ZMAT4: variants seen among roughly 807,000 people sequenced by gnomAD.
ZMAT4 encodes zinc finger matrin-type protein 4.
Under a neutral mutation model 28.7 loss-of-function variants are expected in ZMAT4, and 17 were observed. That is an observed-to-expected ratio of 0.59 (90% confidence interval 0.41 to 0.89). The LOEUF (loss-of-function observed/expected upper bound fraction) is 0.89, where lower values mean the gene tolerates loss of function less well. ZMAT4 is among the 40% of genes least tolerant of loss of function. The probability of loss-of-function intolerance (pLI) is 0.00; values close to 1 mark genes in which losing one functional copy is unlikely to be tolerated. For missense variants in ZMAT4, 240 were observed against 283.8 expected (o/e 0.85, Z 1.11); for synonymous variants, 117 against 109.2 (o/e 1.07, Z -0.44).
rs1005072641 is a variant in ZMAT4 at position 40,633,766 on chromosome 8, G to A, written c.577+40938C>T. On this transcript the variant is annotated intron_variant, in intron 5 of 6. Transcript: ENST00000297737. ...AGATGATTCTATAGGAATAGCTTTA[G>A]GACAGCTCATCAGGCAAGGATAAAT... is the stretch of plus-strand genomic sequence containing the variant. 2.0e-5 allele frequency among the ~76,000 whole-genome samples: 3 copies of A among 152,156 alleles called. No individual in the cohort carries two copies. In the South Asian group the frequency reaches 6.2e-4, roughly 32 times the overall value.
chr8:40,820,811 G>GTGTGTGTATGTGTATGTTTATGTGTGTA (rs1815764330), intron 2 of ZMAT4, among the ~76,000 whole-genome samples: 2 of 17,654 alleles, frequency 1.1e-4, no homozygotes, highest in Non-Finnish European at 1.8e-4. Flanking sequence ...ATATGTGTGG[G>GTGTGTGTATGTGTATGTTTATGTGTGTA]TGTGTGTATG....
intron 5 of ZMAT4, among the ~76,000 whole-genome samples, chr8:40,626,159 TA>T (rs935581111): frequency 7.2e-6 from 1 of 139,530 alleles, no homozygotes; most frequent in African/African-American, 2.7e-5. Flanking sequence ...GGGGGGTAAA[TA>T]AGAGCATGAG....
At chr8:40,761,663 T>C (rs1410378384) in intron 3 of ZMAT4, among the ~76,000 whole-genome samples, 2 of 152,198 alleles carry the variant, frequency 1.3e-5, no homozygotes, top group Admixed American at 6.5e-5. Context: ...TCTGTGTCCT[T>C]TACAGCATGC....
chr8:40,548,392 T>A, intron 6 of ZMAT4, among the ~76,000 whole-genome samples: 1 of 152,194 alleles, frequency 6.6e-6, no homozygotes, highest in East Asian at 1.9e-4. Context: ...TTTTGAAAGC[T>A]TCTTCACATT....
At chr8:40,564,768 T>C (rs868546759) in intron 6 of ZMAT4, among the ~76,000 whole-genome samples, 7 of 152,318 alleles carry the variant, frequency 4.6e-5, no homozygotes, top group African/African-American at 1.4e-4. Flanking sequence ...ATGTGTTGGC[T>C]TCAACCCTAA....
At chr8:40,779,834 T>G (rs1188514801) in intron 2 of ZMAT4, among the ~76,000 whole-genome samples, 2 of 152,216 alleles carry the variant, frequency 1.3e-5, no homozygotes, top group African/African-American at 4.8e-5. Flanking sequence ...TTCAGCTGGA[T>G]AGCACCTCAG....
At chr8:40,734,473 T>C (rs1463793468) in intron 3 of ZMAT4, among the ~76,000 whole-genome samples, 1 of 152,194 alleles carries the variant, frequency 6.6e-6, no homozygotes, top group Non-Finnish European at 1.5e-5. Flanking sequence ...ATTTAGACGA[T>C]TTCCTTGTGA....
Position 40,771,306 on chromosome 8 carries a change from G to A in ZMAT4, c.103-3576C>T, listed in dbSNP as rs117354623. Among the ~76,000 whole-genome samples the A allele has an allele frequency of 5.6e-4, 83 of 148,380 alleles. No homozygotes were observed. The East Asian group carries it at 0.016, about 29-fold the overall frequency. ...ATACTATGATTACAATTACACAAAA[G>A]TGCTTAAGTAGATAATACAGGTAGA... On this transcript the variant is annotated intron_variant, in intron 2 of 6. Transcript: ENST00000297737.
intron 3 of ZMAT4, among the ~76,000 whole-genome samples, chr8:40,743,586 C>T (rs902924835): frequency 2.0e-5 from 3 of 152,336 alleles, no homozygotes; most frequent in South Asian, 2.1e-4. Flanking sequence ...GCATGAGTGA[C>T]GCAGGAGGAC....
intron 2 of ZMAT4, among the ~76,000 whole-genome samples, chr8:40,823,530 G>C (rs903436506): frequency 6.6e-6 from 1 of 152,086 alleles, no homozygotes; most frequent in Non-Finnish European, 1.5e-5. Flanking sequence ...GTGGTGTCAC[G>C]CGCCTGTAGT....
chr8:40,710,295 C>G (rs1282685446), intron 3 of ZMAT4, among the ~76,000 whole-genome samples: 3 of 152,060 alleles, frequency 2.0e-5, no homozygotes, highest in Non-Finnish European at 4.4e-5. Flanking sequence ...ACGGGATATG[C>G]ACAATATTAT....
In ZMAT4 at chr8:40,530,901, A is replaced by T. The variant is rs906362062; in HGVS notation, c.*1322T>A. The stretch of plus-strand genomic sequence containing the variant: ...GGTAAACAGGCTCCTTCATAACAAC[A>T]CTGTGCATTTCTGTGTCATTTTGTT... On this transcript the variant is annotated 3_prime_UTR_variant, in exon 7 of 7. Coordinates refer to ENST00000297737, the MANE Select transcript of ZMAT4 (RefSeq NM_024645.3). 6.6e-6 allele frequency: 1 copy of T among 152,290 alleles called. No homozygotes were observed. The highest frequency in any genetic ancestry group is 1.5e-5 in the Non-Finnish European group (1 of 67,978). The allele number at this position is 152,290 out of a possible 1,614,324, so 9.4% of individuals were successfully genotyped here. A position where few individuals can be genotyped will look rare whatever the true frequency, so the allele number is the denominator to read the frequency against.
rs553251706 is a variant in ZMAT4, at chr8:40,625,837, G to A, written c.578-44576C>T. On this transcript the variant is annotated intron_variant, in intron 5 of 6. Transcript: ENST00000297737. ...TAAAGACCAGACTGGGGGGCTGGGC[G>A]CGGTGGAATCATGCCTGTAATCCCA... Among the ~76,000 whole-genome samples the A allele has an allele frequency of 7.8e-3, 80 of 10,282 alleles. No homozygotes were observed. In the East Asian group the frequency reaches 0.5, roughly 64 times the overall value. 6.7% of individuals were successfully genotyped at this position (10,282 alleles called of 152,430 possible).
At chr8:40,660,214 A>G (rs996820723) in intron 5 of ZMAT4, among the ~76,000 whole-genome samples, 3 of 152,218 alleles carry the variant, frequency 2.0e-5, no homozygotes, top group African/African-American at 7.2e-5. Flanking sequence ...TAAATAAAAG[A>G]TCTCTTTCGG....
intron 2 of ZMAT4, among the ~76,000 whole-genome samples, chr8:40,779,514 G>C (rs1225188546): frequency 1.3e-5 from 2 of 152,140 alleles, no homozygotes; most frequent in Admixed American, 1.3e-4. Context: ...GCTGAGAGGG[G>C]ACTGCCGGAG....
intron 5 of ZMAT4, among the ~76,000 whole-genome samples, chr8:40,608,997 C>T (rs762585838): frequency 5.3e-5 from 8 of 152,116 alleles, no homozygotes; most frequent in South Asian, 4.1e-4. Flanking sequence ...TATGTTCCTG[C>T]GGTAGTTCTT....
intron 2 of ZMAT4, chr8:40,786,874 T>A: frequency 2.2e-6 from 1 of 451,778 alleles, no homozygotes; most frequent in Non-Finnish European, 3.8e-6. Flanking sequence ...AAAGAGTAAC[T>A]AGAATGTAAT....
intron 1 of ZMAT4, among the ~76,000 whole-genome samples, chr8:40,871,345 T>A (rs1817850556): frequency 6.6e-6 from 1 of 152,218 alleles, no homozygotes; most frequent in African/African-American, 2.4e-5. Flanking sequence ...TAAAGCTAAA[T>A]CTTTCTTTTC....
chr8:40,732,055 G>A (rs898096504), intron 3 of ZMAT4, among the ~76,000 whole-genome samples: 18 of 152,126 alleles, frequency 1.2e-4, no homozygotes, highest in Admixed American at 1.2e-3. Context: ...ATTGCCAGGG[G>A]CTGGGAGGAG....
Sources: allele counts gnomAD v4.1 joint callset (sites outside exome capture counted in the v4.1 genomes callset), GRCh38; gene constraint gnomAD v4.1.1; transcripts MANE v1.5; gene names NCBI Gene and HGNC (gene_info 2026-07-23, HGNC 2026-07-21).